The following COL28A1 variants were observed in gnomAD, a reference collection of about 807,000 sequenced individuals.
COL28A1 encodes the protein collagen alpha-1(XXVIII) chain.
COL28A1 carries 161 observed loss-of-function variants against 150.2 expected under a neutral mutation model. The ratio of observed to expected loss-of-function variants is 1.07; its 90% CI spans 0.94 to 1.22. The LOEUF is 1.22. COL28A1 is among the 50% of genes most tolerant of loss of function. COL28A1 has a pLI of 0.00. For synonymous variants in COL28A1, 552 were observed against 469.7 expected (o/e 1.18, Z -2.26); for missense variants, 1,617 against 1,388.3 (o/e 1.16, Z -2.62).
intron 13 of COL28A1, among the ~76,000 whole-genome samples, chr7:7,482,527 G>GA (rs34891028): frequency 0.16 from 19,780 of 120,878 alleles, 1,465 homozygotes; most frequent in Middle Eastern, 0.26. Context: ...CTCTGTCTCA[G>GA]AAAAAAAAAA....
At chr7:7,511,027 C>G in intron 9 of COL28A1, 64 bp downstream of exon 9, 1 of 1,317,452 alleles carries the variant, frequency 7.6e-7, no homozygotes. Context: ...CAGGAATTTC[C>G]CCTTAAGGAA....
At chr7:7,374,956 G>T (rs1469070425) in intron 31 of COL28A1, among the ~76,000 whole-genome samples, 1 of 152,144 alleles carries the variant, frequency 6.6e-6, no homozygotes, top group Non-Finnish European at 1.5e-5. Context: ...TTCAGTCATG[G>T]AAGCATTTAG....
intron 21 of COL28A1, among the ~76,000 whole-genome samples, 191 bp from the exon 22 acceptor site, chr7:7,437,653 G>T (rs968538207): frequency 6.6e-6 from 1 of 152,146 alleles, no homozygotes. Flanking sequence ...TAAGATTTCA[G>T]TGCTTTTAAA....
At chr7:7,437,256 C>T in intron 22 of COL28A1, 138 bp downstream of exon 22, 3 of 1,359,364 alleles carry the variant, frequency 2.2e-6, no homozygotes, top group Non-Finnish European at 2.9e-6. Flanking sequence ...GTTTGCTTAT[C>T]TGTGAAGTTT....
chr7:7,527,309 G>A (rs1177529530), intron 3 of COL28A1, among the ~76,000 whole-genome samples: 1 of 152,218 alleles, frequency 6.6e-6, no homozygotes. Context: ...CCTAGGCCAG[G>A]GGCGGGGGAG....
At chr7:7,339,759 T>C in the COL28A1 span, among the ~76,000 whole-genome samples, 1 of 152,140 alleles carries the variant, frequency 6.6e-6, no homozygotes, top group South Asian at 2.1e-4. Context: ...TTTGACTACT[T>C]CATAGGTGGT....
chr7:7,450,787 T>C (rs10263223), intron 18 of COL28A1, among the ~76,000 whole-genome samples: 32,588 of 152,034 alleles, frequency 0.21, 4,864 homozygotes, highest in African/African-American at 0.42. Context: ...ATATCCACCA[T>C]CATGAAGATG....
chr7:7,452,412 G>A, intron 17 of COL28A1, 25 bp from the exon 18 acceptor site: 1 of 1,575,076 alleles, frequency 6.3e-7, no homozygotes, highest in Non-Finnish European at 8.5e-7. Context: ...GTTTAATACA[G>A]CAGCAAAGTG....
At chr7:7,523,348 C>T (rs187652002) in intron 4 of COL28A1, among the ~76,000 whole-genome samples, 4 of 151,764 alleles carry the variant, frequency 2.6e-5, no homozygotes, top group African/African-American at 4.8e-5. Flanking sequence ...TTAGTAGAGA[C>T]GGGGTTTCAG....
chr7:7,430,636 A>G (rs181574461), intron 25 of COL28A1, among the ~76,000 whole-genome samples: 25 of 152,132 alleles, frequency 1.6e-4, no homozygotes, highest in African/African-American at 5.8e-4. Flanking sequence ...ATTTTATTTC[A>G]TGTTTTATTT....
At chr7:7,479,633 A>G (rs1277476272) in intron 13 of COL28A1, among the ~76,000 whole-genome samples, 3 of 152,242 alleles carry the variant, frequency 2.0e-5, no homozygotes, top group African/African-American at 7.2e-5. Flanking sequence ...ATGCAAATTG[A>G]AATCTTGATA....
At chr7:7,343,786 T>C in the COL28A1 span, among the ~76,000 whole-genome samples, 4 of 152,000 alleles carry the variant, frequency 2.6e-5, no homozygotes, top group Admixed American at 6.6e-5. Context: ...GGAGAGAGTA[T>C]AGTTTGAGGC....
chr7:7,474,699 A>G, intron 14 of COL28A1, 30 bp from the exon 15 acceptor site: 1 of 937,144 alleles, frequency 1.1e-6, no homozygotes, highest in East Asian at 2.4e-5. Context: ...ATATCAATGC[A>G]CCAACCAAAA....
intron 11 of COL28A1, among the ~76,000 whole-genome samples, chr7:7,503,189 T>A (rs1460587471): frequency 6.6e-6 from 1 of 152,206 alleles, no homozygotes; most frequent in South Asian, 2.1e-4. Context: ...ATATGGTAGC[T>A]AAGAGCAGAC....
chr7:7,483,272 T>C (rs913964297), intron 13 of COL28A1, among the ~76,000 whole-genome samples: 2 of 152,232 alleles, frequency 1.3e-5, no homozygotes, highest in African/African-American at 2.4e-5. Flanking sequence ...CAACACTAAA[T>C]GCATTTTCAA....
intron 15 of COL28A1, among the ~76,000 whole-genome samples, chr7:7,466,572 C>G (rs1393543390): frequency 1.1e-5 from 1 of 90,792 alleles, no homozygotes; most frequent in African/African-American, 8.7e-5. Flanking sequence ...TCTAGCAAGG[C>G]AGGCCAACGT....
At chr7:7,408,880 T>C (rs544711095) in intron 27 of COL28A1, among the ~76,000 whole-genome samples, 3 of 152,306 alleles carry the variant, frequency 2.0e-5, no homozygotes, top group Admixed American at 6.5e-5. Flanking sequence ...TGACACTTTG[T>C]TTTTAAGAAC....
chr7:7,344,127 T>C, the COL28A1 span, among the ~76,000 whole-genome samples: 44 of 152,290 alleles, frequency 2.9e-4, no homozygotes, highest in African/African-American at 1.0e-3. Context: ...ATTCTCTGTC[T>C]TATGATTATT....
intron 13 of COL28A1, among the ~76,000 whole-genome samples, chr7:7,486,476 G>A (rs1358594094): frequency 6.6e-6 from 1 of 152,008 alleles, no homozygotes; most frequent in African/African-American, 2.4e-5. Flanking sequence ...CCAATATGTT[G>A]AATAAGACTG....
Sources: gnomAD v4.1 joint callset for allele counts (sites outside exome capture counted in the v4.1 genomes callset) on GRCh38, gnomAD v4.1.1 for gene constraint, MANE v1.5 for transcripts, NCBI Gene and HGNC (gene_info 2026-07-23, HGNC 2026-07-21) for gene names.